Variants in CLIP4 observed in about 807,000 individuals in gnomAD.
CLIP4 encodes CAP-Gly domain containing linker protein family member 4, also known as CAP-Gly domain-containing linker protein 4.
CLIP4 carries 47 observed loss-of-function variants against 73.1 expected under a neutral mutation model. The observed-to-expected ratio is 0.64, with a 90% CI of 0.51 to 0.82. The LOEUF is 0.82. Ranked by LOEUF, CLIP4 falls within the 40% of genes least tolerant of loss-of-function variation. The pLI is 0.00. For synonymous variants in CLIP4, 306 were observed against 295.4 expected (o/e 1.04, Z -0.37); for missense variants, 874 against 852.9 (o/e 1.02, Z -0.31).
intron 13 of CLIP4, among the ~76,000 whole-genome samples, chr2:29,164,226 A>G (rs1292907138): frequency 6.6e-6 from 1 of 152,202 alleles, no homozygotes; most frequent in Non-Finnish European, 1.5e-5. Flanking sequence ...AGCTAAGTAC[A>G]GTGAGAGCAG....
chr2:29,125,365 G>A (rs1270337014), intron 2 of CLIP4, among the ~76,000 whole-genome samples: 1 of 152,178 alleles, frequency 6.6e-6, no homozygotes, highest in Non-Finnish European at 1.5e-5. Flanking sequence ...TTCCTCACAA[G>A]CATATGATGA....
At chr2:29,124,130 C>T (rs972280402) in intron 2 of CLIP4, among the ~76,000 whole-genome samples, 1 of 152,002 alleles carries the variant, frequency 6.6e-6, no homozygotes, top group African/African-American at 2.4e-5. Context: ...CCATCTGATA[C>T]CATTTCCTTC....
At chr2:29,155,568 C>T (rs967220295) in intron 9 of CLIP4, among the ~76,000 whole-genome samples, 5 of 152,126 alleles carry the variant, frequency 3.3e-5, no homozygotes, top group Non-Finnish European at 7.4e-5. Context: ...TACAGGGAAT[C>T]TCCTTGTATT....
chr2:29,132,951 G>T (rs1267963863), intron 4 of CLIP4, among the ~76,000 whole-genome samples: 1 of 152,152 alleles, frequency 6.6e-6, no homozygotes, highest in African/African-American at 2.4e-5. Flanking sequence ...ACTTTGGGAG[G>T]CCCAGGCAGG....
At chr2:29,114,430 GGA>G (rs1668468889), upstream of CLIP4, 1 of 152,250 alleles carries the variant, frequency 6.6e-6, no homozygotes, top group African/African-American at 2.4e-5. Flanking sequence ...ATCCAGTGAG[GGA>G]GAGATGCAGG....
chr2:29,169,801 C>A (rs1311528307), intron 14 of CLIP4, among the ~76,000 whole-genome samples: 3 of 152,020 alleles, frequency 2.0e-5, no homozygotes, highest in Non-Finnish European at 4.4e-5. Flanking sequence ...CTTAAATATA[C>A]AATGTTGTTA....
rs368588286 is a variant in CLIP4, at chr2:29,135,531, A to G, written c.530-17A>G. 1.4e-5 allele frequency: 21 copies of G among 1,554,950 alleles called. No homozygotes were observed. Among genetic ancestry groups the G allele is most frequent in the South Asian group, 8.1e-5 (7 of 86,700 alleles). ...GTTTAAACTTTTAGTTAATATACTT[A>G]TGATGTTTAATTGCAGATGTGGATG... On this transcript the variant is annotated splice_polypyrimidine_tract_variant and intron_variant, in intron 5 of 15. Coordinates refer to ENST00000320081, the MANE Select transcript of CLIP4 (RefSeq NM_024692.6).
intron 14 of CLIP4, among the ~76,000 whole-genome samples, chr2:29,169,333 GTGTGTGTGTGTGT>G (rs1667850863): frequency 1.3e-4 from 5 of 38,902 alleles, no homozygotes; most frequent in Non-Finnish European, 2.0e-4. Flanking sequence ...TTTTCACTGT[GTGTGTGTGTGTGT>G]GTGTGTGTGT....
intron 12 of CLIP4, 83 bp from the exon 13 acceptor site, chr2:29,163,748 C>T: frequency 1.5e-6 from 2 of 1,362,604 alleles, no homozygotes; most frequent in South Asian, 3.5e-5. Flanking sequence ...AATGTTAAAA[C>T]ACCTCGACTT....
At chr2:29,102,609 C>T (rs935962158) in intron 1 of CLIP4, among the ~76,000 whole-genome samples, 7 of 151,958 alleles carry the variant, frequency 4.6e-5, no homozygotes, top group African/African-American at 1.7e-4. Context: ...CTCTGAAGCA[C>T]CGCATCACTT....
intron 12 of CLIP4, 27 bp from the exon 13 acceptor site, chr2:29,163,804 T>C: frequency 6.2e-7 from 1 of 1,601,850 alleles, no homozygotes. Context: ...GTACAGATGC[T>C]TTTGAAATGC....
intron 1 of CLIP4, among the ~76,000 whole-genome samples, chr2:29,105,231 A>C (rs1035857932): frequency 1.3e-5 from 2 of 152,180 alleles, no homozygotes; most frequent in African/African-American, 4.8e-5. Context: ...ATTAAATATA[A>C]GAACTAAGCT....
chr2:29,152,709 TAAGTA>T lies in CLIP4; in HGVS notation c.1050_1054del (p.Ala352ArgfsTer25). 6.2e-7 allele frequency: 1 copy of T among 1,613,560 alleles called. No individual in the cohort carries two copies. The highest frequency in any genetic ancestry group is 8.5e-7 in the Non-Finnish European group (1 of 1,179,742). On this transcript the variant is annotated frameshift_variant, in exon 9 of 16. Coordinates refer to ENST00000320081, the MANE Select transcript of CLIP4 (RefSeq NM_024692.6). LOFTEE classifies it high-confidence loss of function. ...GGTATTTTTGCACCTCTTTCAAAGA[TAAGTA>T]AAGCAAAAGGTCGAAGGAAGAATAT... is the stretch of plus-strand genomic sequence containing the variant.
At chr2:29,139,145 A>G (rs976048911) in intron 6 of CLIP4, among the ~76,000 whole-genome samples, 1 of 151,262 alleles carries the variant, frequency 6.6e-6, no homozygotes, top group African/African-American at 2.4e-5. Flanking sequence ...TTTGTCATAG[A>G]TGGCTCTTAG....
chr2:29,110,483 G>T (rs1668357784), upstream of CLIP4, among the ~76,000 whole-genome samples: 1 of 152,202 alleles, frequency 6.6e-6, no homozygotes, highest in Non-Finnish European at 1.5e-5. Context: ...AAGAAAGGAT[G>T]ACTCCAGTGA....
At position 29,121,428 on chromosome 2, in the gene CLIP4, A is replaced by C; in HGVS notation, c.40A>C (p.Asn14His). The change falls in exon 2 of 16, where the codon AAT becomes CAT. Residue 14 changes from asparagine (N) to histidine (H), a missense_variant. Transcript: ENST00000320081. ...CCTTCCAGATTTTCCATTAGAAGGAAATCCTTTGTTTGGAAGATACCCATT... is the reference window on the plus strand; with the variant it reads ...CCTTCCAGATTTTCCATTAGAAGGACATCCTTTGTTTGGAAGATACCCATT... ...EDLPDFPLEG[N>H]PLFGRYPFIF... 6.2e-7 allele frequency: 1 copy of C among 1,613,710 alleles called. No individual in the cohort carries two copies. Among genetic ancestry groups the C allele is most frequent in the South Asian group, 1.1e-5 (1 of 91,018 alleles).
At position 29,164,974 on chromosome 2, in the gene CLIP4, G is replaced by A. The variant is rs1038621069; in HGVS notation, c.1658+1020G>A. Among the ~76,000 whole-genome samples, 5 of 152,192 alleles carry A rather than the reference G, an allele frequency of 3.3e-5. No individual in the cohort carries two copies. The East Asian group carries it at 7.7e-4, about 23-fold the overall frequency. On this transcript the variant is annotated intron_variant, in intron 13 of 15. Coordinates refer to ENST00000320081, the MANE Select transcript of CLIP4 (RefSeq NM_024692.6). ...GATCCTAATATTGATCAGGTAAGCT[G>A]GAGAATAATAACTATTACAAACATT...
intron 1 of CLIP4, among the ~76,000 whole-genome samples, chr2:29,103,858 T>C (rs913043889): frequency 1.3e-5 from 2 of 151,996 alleles, no homozygotes; most frequent in African/African-American, 4.8e-5. Context: ...AGATTACAGG[T>C]GCCCGCCACC....
chr2:29,170,499 C>A (rs1667931603), intron 14 of CLIP4, among the ~76,000 whole-genome samples: 2 of 152,128 alleles, frequency 1.3e-5, no homozygotes, highest in Non-Finnish European at 2.9e-5. Flanking sequence ...TTTTGAATAC[C>A]AAACATGTAT....
Sources: allele counts gnomAD v4.1 joint callset (sites outside exome capture counted in the v4.1 genomes callset), GRCh38; gene constraint gnomAD v4.1.1; transcripts MANE v1.5; gene names NCBI Gene and HGNC (gene_info 2026-07-23, HGNC 2026-07-21).